Variants in GIPC2 observed in about 807,000 individuals in gnomAD.
GIPC2 encodes GIPC PDZ domain containing family member 2.
A neutral mutation model predicts 30.6 loss-of-function variants in GIPC2; 30 were observed. The ratio of observed to expected loss-of-function variants is 0.98; its 90% CI spans 0.73 to 1.33. The LOEUF (loss-of-function observed/expected upper bound fraction) is 1.33. Ranked by LOEUF, GIPC2 falls within the 40% of genes most tolerant of loss-of-function variation. GIPC2 has a pLI of 0.00. For synonymous variants in GIPC2, 167 were observed against 150.0 expected, an observed-to-expected ratio of 1.11 and a Z score of -0.83; for missense variants, 414 against 390.3, an observed-to-expected ratio of 1.06 and a Z score of -0.51.
chr1:78,080,328 T>C (rs565808947), intron 1 of GIPC2, among the ~76,000 whole-genome samples: 3 of 152,324 alleles, frequency 2.0e-5, no homozygotes, highest in African/African-American at 7.2e-5. Flanking sequence ...ACTGGCTGTG[T>C]GACCTTAGGC....
At position 78,046,346 on chromosome 1, in the gene GIPC2, G is replaced by C; in HGVS notation, c.240+12G>C. On this transcript the variant is annotated intron_variant, in intron 1 of 5. Transcript: ENST00000370759. ...TCTCGCCGTCGGAGGTAAGGCGCCA[G>C]GTGCTCAGGCTCTCCCGCCTCTCCG... The C allele has an allele frequency of 1.9e-6, 3 of 1,603,078 alleles. No homozygotes were observed. Among genetic ancestry groups the C allele is most frequent in the Non-Finnish European group, 2.6e-6 (3 of 1,175,228 alleles).
intron 1 of GIPC2, 152 bp from the exon 2 acceptor site, chr1:78,080,523 A>C: frequency 3.9e-6 from 2 of 516,746 alleles, no homozygotes; most frequent in South Asian, 7.1e-5. Context: ...TGTGTCCCAG[A>C]ATCTCTCTAG....
In GIPC2 at chr1:78,095,099, A is replaced by G; in HGVS notation, c.574A>G (p.Thr192Ala). ...LKELKKEELFTMKLIEPKKAF... is the reference protein window; with the variant it reads ...LKELKKEELFAMKLIEPKKAF... ...GGAATTAAAAAAGGAGGAACTCTTT[A>G]CTATGAAGTTAATAGAACCTAAGAA... Residue 192 changes from threonine (T) to alanine (A), a missense_variant, in exon 3 of 6, where the codon ACT becomes GCT. By Grantham distance (58) the Thr-to-Ala change is moderately conservative. Coordinates refer to ENST00000370759, the MANE Select transcript of GIPC2 (RefSeq NM_017655.6). 6.2e-7 allele frequency: 1 copy of G among 1,613,042 alleles called. No individual in the cohort carries two copies. Among genetic ancestry groups the G allele is most frequent in the Non-Finnish European group, 8.5e-7 (1 of 1,179,076 alleles).
chr1:78,103,168 T>C (rs1475799278), intron 3 of GIPC2, among the ~76,000 whole-genome samples: 2 of 152,216 alleles, frequency 1.3e-5, no homozygotes, highest in Non-Finnish European at 2.9e-5. Context: ...TGAGTCAACA[T>C]GCTTGCTGTC....
chr1:78,078,187 C>CAAAAAA (rs10694093), intron 1 of GIPC2, among the ~76,000 whole-genome samples: 2 of 65,076 alleles, frequency 3.1e-5, no homozygotes, highest in African/African-American at 1.3e-4. Flanking sequence ...GACTCCATCT[C>CAAAAAA]AAAAAAAAAA....
At chr1:78,092,493 C>G (rs1162997232) in intron 2 of GIPC2, among the ~76,000 whole-genome samples, 1 of 152,168 alleles carries the variant, frequency 6.6e-6, no homozygotes, top group East Asian at 1.9e-4. Flanking sequence ...ATTAATGCCT[C>G]TCTTTTTTCC....
At chr1:78,110,505 C>A (rs1218292299) in intron 3 of GIPC2, among the ~76,000 whole-genome samples, 2 of 152,210 alleles carry the variant, frequency 1.3e-5, no homozygotes, top group Non-Finnish European at 2.9e-5. Flanking sequence ...GAGAATTGTC[C>A]TTAATGCCAA....
intron 1 of GIPC2, among the ~76,000 whole-genome samples, chr1:78,079,279 G>C (rs1186284639): frequency 2.6e-5 from 4 of 152,040 alleles, no homozygotes; most frequent in Admixed American, 2.0e-4. Flanking sequence ...CTCATCACTA[G>C]CTCCTTTAAC....
intron 3 of GIPC2, among the ~76,000 whole-genome samples, chr1:78,100,360 A>AT (rs1662219070): frequency 6.6e-6 from 1 of 152,132 alleles, no homozygotes; most frequent in African/African-American, 2.4e-5. Flanking sequence ...CTTTATTTTA[A>AT]TTTTTTTAGT....
intron 4 of GIPC2, among the ~76,000 whole-genome samples, chr1:78,119,842 G>A (rs1032788382): frequency 5.3e-5 from 8 of 152,134 alleles, no homozygotes; most frequent in Non-Finnish European, 1.2e-4. Context: ...GATTATATTC[G>A]TAAACTCCTC....
At chr1:78,046,449 G>T (rs1661088970) in intron 1 of GIPC2, 115 bp downstream of exon 1, 1 of 931,096 alleles carries the variant, frequency 1.1e-6, no homozygotes, top group African/African-American at 1.7e-5. Flanking sequence ...GAAATCCGAT[G>T]CCGTGTTGAG....
rs1322737852 is a variant in GIPC2 at position 78,069,142 on chromosome 1, C to T, written c.241-11533C>T. 5 of 953,766 alleles carry T rather than the reference C, an allele frequency of 5.2e-6. No individual in the cohort carries two copies. The East Asian group carries it at 5.8e-4, about 111-fold the overall frequency. 59.1% of individuals were successfully genotyped at this position (953,766 alleles called of 1,614,324 possible). A position where few individuals can be genotyped will look rare whatever the true frequency, so the allele number is the denominator to read the frequency against. On this transcript the variant is annotated intron_variant, in intron 1 of 5. Transcript: ENST00000370759. ...CCGAGCAAAGGTCAGTCAGCCAGGG[C>T]AGTGCCTGGGTATCTCCAAGTCTGT...
At chr1:78,104,879 G>A (rs1662315654) in intron 3 of GIPC2, among the ~76,000 whole-genome samples, 1 of 152,214 alleles carries the variant, frequency 6.6e-6, no homozygotes, top group African/African-American at 2.4e-5. Context: ...AGTGTACACA[G>A]TGACAGATTT....
intron 1 of GIPC2, among the ~76,000 whole-genome samples, chr1:78,073,216 G>C (rs1160317931): frequency 6.6e-6 from 1 of 151,098 alleles, no homozygotes; most frequent in African/African-American, 2.4e-5. Context: ...CAGTTCTCCT[G>C]CTTCAGCCTC....
intron 3 of GIPC2, among the ~76,000 whole-genome samples, chr1:78,113,671 G>A (rs1662515461): frequency 6.6e-6 from 1 of 152,298 alleles, no homozygotes; most frequent in African/African-American, 2.4e-5. Flanking sequence ...TTAGAGGCGT[G>A]AGCCATGGCA....
chr1:78,111,080 A>G (rs1308638880), intron 3 of GIPC2, among the ~76,000 whole-genome samples: 1 of 152,156 alleles, frequency 6.6e-6, no homozygotes, highest in African/African-American at 2.4e-5. Context: ...GTGCTCTGTA[A>G]CTTCAGAGAT....
chr1:78,126,706 C>T (rs1662789395), intron 5 of GIPC2, among the ~76,000 whole-genome samples: 1 of 152,186 alleles, frequency 6.6e-6, no homozygotes, highest in East Asian at 1.9e-4. Context: ...CCTGTGGTAT[C>T]CCCTGGCAGC....
At chr1:78,052,759 T>C (rs950581805) in intron 1 of GIPC2, among the ~76,000 whole-genome samples, 3 of 152,220 alleles carry the variant, frequency 2.0e-5, no homozygotes, top group Non-Finnish European at 4.4e-5. Context: ...AGTCACTTCC[T>C]AAATGAGTTA....
At chr1:78,080,150 T>G (rs1298325343) in intron 1 of GIPC2, among the ~76,000 whole-genome samples, 1 of 152,186 alleles carries the variant, frequency 6.6e-6, no homozygotes, top group Non-Finnish European at 1.5e-5. Flanking sequence ...AAAATGTATT[T>G]ACCAACTTTC....
Sources: gnomAD v4.1 joint callset for allele counts (sites outside exome capture counted in the v4.1 genomes callset) on GRCh38, gnomAD v4.1.1 for gene constraint, MANE v1.5 for transcripts, NCBI Gene and HGNC (gene_info 2026-07-23, HGNC 2026-07-21) for gene names.